Variants in TIPIN observed in about 807,000 individuals in gnomAD.
The protein encoded by TIPIN is TIMELESS interacting protein.
A neutral mutation model predicts 35.6 loss-of-function variants in TIPIN; 29 were observed. That is an observed-to-expected ratio of 0.82 (90% CI 0.61 to 1.11). The LOEUF (loss-of-function observed/expected upper bound fraction) is 1.11. Ranked by LOEUF, TIPIN falls within the 50% of genes most tolerant of loss-of-function variation. The pLI is 0.00. For missense variants in TIPIN, 296 were observed against 345.4 expected (o/e 0.86, Z 1.13); for synonymous variants, 102 against 121.5 (o/e 0.84, Z 1.06).
intron 7 of TIPIN, among the ~76,000 whole-genome samples, chr15:66,339,409 C>A (rs375367488): frequency 4.6e-5 from 7 of 151,826 alleles, no homozygotes; most frequent in Admixed American, 2.0e-4. Context: ...CTGTGCTGGG[C>A]CTATAATTCT....
At chr15:66,383,037 CATG>C (rs2093323636) in intron 1 of TIPIN, 1 of 981,206 alleles carries the variant, frequency 1.0e-6, no homozygotes, top group African/African-American at 1.8e-5. Context: ...CTTCTTGGAT[CATG>C]ATAAGGGCTT....
At chr15:66,378,989 G>C (rs910963262) in intron 1 of TIPIN, among the ~76,000 whole-genome samples, 52 of 152,020 alleles carry the variant, frequency 3.4e-4, no homozygotes, top group Non-Finnish European at 5.9e-4. Context: ...TAAACTCCTG[G>C]CCTCAGGCAA....
In TIPIN at chr15:66,341,486, GGGCCGGGCGCGGTGGCT is replaced by G. The variant is rs2093086763; in HGVS notation, c.476-147_476-131del. The G allele has an allele frequency of 8.4e-3, 4,289 of 509,990 alleles. 1,708 individuals carry two copies. The highest frequency in any genetic ancestry group is 0.056 in the African/African-American group (2,014 of 35,888). 31.6% of individuals were successfully genotyped at this position (509,990 alleles called of 1,614,324 possible). A position where few individuals can be genotyped will look rare whatever the true frequency, so the allele number is the denominator to read the frequency against. On this transcript the variant is annotated intron_variant, in intron 6 of 7. Transcript: ENST00000261881. ...AATTTGTGAAGTATAAGAATGTTGT[GGGCCGGGCGCGGTGGCT>G]CACGCCTGTAATCCCAGCACTTTGG...
chr15:66,338,703 A>G (rs903792417), intron 7 of TIPIN, among the ~76,000 whole-genome samples: 1 of 149,764 alleles, frequency 6.7e-6, no homozygotes, highest in Non-Finnish European at 1.5e-5. Context: ...AGTCCCAGCT[A>G]CTCGGGAGGC....
chr15:66,359,772 T>A (rs577665370), upstream of TIPIN, among the ~76,000 whole-genome samples: 17 of 152,254 alleles, frequency 1.1e-4, no homozygotes, highest in East Asian at 2.9e-3. Flanking sequence ...ATAAAGTAAA[T>A]GTAAAAGCAC....
exon 1 of TIPIN, chr15:66,386,685 A>C (rs2093340439): frequency 5.5e-6 from 1 of 182,028 alleles, no homozygotes; most frequent in Non-Finnish European, 1.2e-5. Context: ...AGCTGGGTCC[A>C]CCTGCTTGCC....
chr15:66,369,484 G>A lies in TIPIN; in HGVS notation c.-8-16529C>T, dbSNP rs567169914. Among the ~76,000 whole-genome samples, 4 of 151,774 alleles carry A rather than the reference G, an allele frequency of 2.6e-5. No homozygotes were observed. In the South Asian group the frequency reaches 8.3e-4, roughly 32 times the overall value. On this transcript the variant is annotated intron_variant, in intron 1 of 7. Transcript: ENST00000562124. ...CTGCCTCAGCCTCCCGAGTAGCTGG[G>A]ACTACAGGCGCCTGCCACCATGCCC...
intron 1 of TIPIN, among the ~76,000 whole-genome samples, chr15:66,364,972 A>AAAAAAAAAAAAG (rs1239302638): frequency 1.1e-4 from 16 of 150,658 alleles, no homozygotes; most frequent in African/African-American, 2.7e-4. Flanking sequence ...ATCTCAAAAA[A>AAAAAAAAAAAAG]AAAGAAAAAG....
intron 1 of TIPIN, among the ~76,000 whole-genome samples, chr15:66,361,935 T>G (rs1463259706): frequency 6.6e-6 from 1 of 151,628 alleles, no homozygotes; most frequent in East Asian, 1.9e-4. Flanking sequence ...GCCGAGATTG[T>G]GCCACTGCAC....
chr15:66,348,888 T>A (rs1013711473), intron 6 of TIPIN, among the ~76,000 whole-genome samples, 172 bp downstream of exon 6: 2 of 152,136 alleles, frequency 1.3e-5, no homozygotes, highest in Non-Finnish European at 2.9e-5. Context: ...AAGGCTGCAG[T>A]AAGCTATGAT....
At position 66,336,959 on chromosome 15, in the gene TIPIN, T is replaced by C; in HGVS notation, c.905A>G (p.Ter302=). ...ATSRNITEAR[*] ...GATACATTTTCTCTTAATGGAAACTTATCTAGCTTCAGTAATATTTCTGGA... is the reference window on the plus strand; with the variant it reads ...GATACATTTTCTCTTAATGGAAACTCATCTAGCTTCAGTAATATTTCTGGA... The change falls in exon 8 of 8, where the codon TAA becomes TGA. Residue 302 remains the stop codon, a stop_retained_variant. Transcript: ENST00000261881. The C allele has an allele frequency of 3.1e-6, 5 of 1,608,526 alleles. No individual in the cohort carries two copies. Among genetic ancestry groups the C allele is most frequent in the Non-Finnish European group, 4.3e-6 (5 of 1,175,900 alleles).
At chr15:66,381,994 G>A (rs938844857) in intron 1 of TIPIN, among the ~76,000 whole-genome samples, 1 of 152,228 alleles carries the variant, frequency 6.6e-6, no homozygotes, top group Non-Finnish European at 1.5e-5. Context: ...GAACCTGGAA[G>A]GCAGAGGTGG....
rs1484318353 is a variant in TIPIN at position 66,341,552 on chromosome 15, AGG to A, written c.476-198_476-197del. ...GGGAGGCCGAGGCGGGCGGATCACG[AGG>A]TCAGGAGATCGAGACCATCCCGGCT... On this transcript the variant is annotated intron_variant, in intron 6 of 7. Coordinates refer to ENST00000261881, the MANE Select transcript of TIPIN (RefSeq NM_017858.3). Among the ~76,000 whole-genome samples the A allele has an allele frequency of 4.5e-3, 24 of 5,318 alleles. 4 individuals are homozygous for A. The Non-Finnish European group carries it at 0.093, about 21-fold the overall frequency. The allele number at this position is 5,318 out of a possible 152,430, so 3.5% of individuals were successfully genotyped here.
chr15:66,337,217 T>C, intron 7 of TIPIN, 36 bp from the exon 8 acceptor site: 1 of 1,566,152 alleles, frequency 6.4e-7, no homozygotes, highest in Non-Finnish European at 8.8e-7. Flanking sequence ...TCATTATAAG[T>C]ACCTGATCCA....
At chr15:66,363,195 T>C (rs1303656952) in intron 1 of TIPIN, among the ~76,000 whole-genome samples, 2 of 151,094 alleles carry the variant, frequency 1.3e-5, no homozygotes, top group Non-Finnish European at 3.0e-5. Context: ...CTGGGCAACA[T>C]AGTGAGACCT....
intron 3 of TIPIN, 91 bp from the exon 4 acceptor site, chr15:66,351,691 G>A: frequency 9.4e-7 from 1 of 1,063,758 alleles, no homozygotes; most frequent in Non-Finnish European, 1.4e-6. Context: ...AGGCTGGGAT[G>A]CGGTGGCGCG....
intron 6 of TIPIN, chr15:66,348,507 T>TG (rs1281514539): frequency 3.2e-5 from 3 of 95,190 alleles, no homozygotes; most frequent in African/African-American, 1.1e-4. Flanking sequence ...CCATCTCTAC[T>TG]AAAAAAAAAA....
At chr15:66,368,445 C>T (rs1464633260) in intron 1 of TIPIN, among the ~76,000 whole-genome samples, 1 of 151,958 alleles carries the variant, frequency 6.6e-6, no homozygotes, top group Non-Finnish European at 1.5e-5. Flanking sequence ...CAGGCTGAGA[C>T]TTGAGCCTGG....
intron 1 of TIPIN, chr15:66,383,717 G>T: frequency 2.8e-6 from 1 of 355,138 alleles, no homozygotes; most frequent in Non-Finnish European, 3.9e-6. Flanking sequence ...ATGGGGAGAT[G>T]TAGGTCAAAG....
Sources: gnomAD v4.1 joint callset for allele counts (sites outside exome capture counted in the v4.1 genomes callset) on GRCh38, gnomAD v4.1.1 for gene constraint, MANE v1.5 for transcripts, NCBI Gene and HGNC (gene_info 2026-07-23, HGNC 2026-07-21) for gene names.